Variants in ADAMTSL3 observed in about 807,000 individuals in gnomAD.
ADAMTSL3 encodes ADAMTS like 3, also known as ADAMTS-like protein 3.
Under a neutral mutation model 201.7 loss-of-function variants are expected in ADAMTSL3, and 128 were observed. The observed-to-expected ratio is 0.63, with a 90% CI of 0.55 to 0.73. The LOEUF (loss-of-function observed/expected upper bound fraction) is 0.73, where lower values mean the gene tolerates loss of function less well. Ranked by LOEUF, ADAMTSL3 falls within the 30% of genes least tolerant of loss-of-function variation. ADAMTSL3 has a pLI of 0.00. For synonymous variants in ADAMTSL3, 738 were observed against 748.4 expected, an observed-to-expected ratio of 0.99 and a Z score of 0.23; for missense variants, 1,990 against 2,119.6, an observed-to-expected ratio of 0.94 and a Z score of 1.20.
At chr15:83,754,530 A>G (rs921850211) in intron 3 of ADAMTSL3, among the ~76,000 whole-genome samples, 1 of 152,236 alleles carries the variant, frequency 6.6e-6, no homozygotes, top group African/African-American at 2.4e-5. Flanking sequence ...TTAAAAATCC[A>G]GCAGTTTGGA....
intron 9 of ADAMTSL3, among the ~76,000 whole-genome samples, chr15:83,880,084 G>C (rs922662065): frequency 2.0e-5 from 3 of 151,836 alleles, no homozygotes; most frequent in African/African-American, 4.8e-5. Flanking sequence ...CTTTGTTTTG[G>C]GTTTTCATCA....
intron 17 of ADAMTSL3, 148 bp from the exon 18 acceptor site, chr15:83,942,448 A>G (rs1432519450): frequency 6.2e-6 from 4 of 640,946 alleles, no homozygotes; most frequent in African/African-American, 3.6e-5. Context: ...TTAATTGCGT[A>G]TATTGATGGA....
intron 5 of ADAMTSL3, among the ~76,000 whole-genome samples, chr15:83,814,346 G>A (rs1453882600): frequency 1.3e-5 from 2 of 152,056 alleles, no homozygotes; most frequent in Non-Finnish European, 2.9e-5. Context: ...TCCCCTCCGT[G>A]GATCCTTATT....
intron 19 of ADAMTSL3, among the ~76,000 whole-genome samples, 195 bp from the exon 20 acceptor site, chr15:83,970,289 G>A (rs2067169858): frequency 6.6e-6 from 1 of 151,898 alleles, no homozygotes; most frequent in African/African-American, 2.4e-5. Context: ...GAAGAGAAGG[G>A]AGGGGAGGGA....
intron 16 of ADAMTSL3, among the ~76,000 whole-genome samples, chr15:83,921,273 A>T (rs2066137808): frequency 6.6e-6 from 1 of 152,212 alleles, no homozygotes; most frequent in Non-Finnish European, 1.5e-5. Context: ...AACTTACTGC[A>T]GTTTCCTAGA....
chr15:83,964,790 A>T (rs1427866738), intron 19 of ADAMTSL3, among the ~76,000 whole-genome samples: 1 of 152,230 alleles, frequency 6.6e-6, no homozygotes, highest in African/African-American at 2.4e-5. Context: ...TGGGTTACCC[A>T]CAAAGGGAAG....
chr15:83,918,110 A>T (rs1007954416), intron 16 of ADAMTSL3, among the ~76,000 whole-genome samples: 1 of 152,192 alleles, frequency 6.6e-6, no homozygotes, highest in African/African-American at 2.4e-5. Context: ...TGGTGATTTT[A>T]TCTTTCCCTT....
chr15:83,946,073 G>A lies in ADAMTSL3; in HGVS notation c.2490+2991G>A, dbSNP rs886221552. 2.6e-5 allele frequency among the ~76,000 whole-genome samples: 4 copies of A among 152,318 alleles called. No individual in the cohort carries two copies. In the South Asian group the frequency reaches 8.3e-4, roughly 32 times the overall value. On this transcript the variant is annotated intron_variant, in intron 19 of 29. Transcript: ENST00000286744. ...GAAACCAGACAGCTTGTTTCTGGAT[G>A]CAGCGAGGGAGCACCTAGAACCACT...
At chr15:83,982,251 T>G in intron 20 of ADAMTSL3, 22 bp from the exon 21 acceptor site, 4 of 1,546,412 alleles carry the variant, frequency 2.6e-6, no homozygotes, top group Non-Finnish European at 3.5e-6. Flanking sequence ...TTTTCTTTTC[T>G]TTCTTTTTTT....
intron 17 of ADAMTSL3, among the ~76,000 whole-genome samples, chr15:83,932,511 A>T (rs972583274): frequency 6.6e-6 from 1 of 152,190 alleles, no homozygotes; most frequent in African/African-American, 2.4e-5. Flanking sequence ...GGTCTACCTC[A>T]ATGGAAAGGC....
chr15:83,842,941 T>C (rs1001065862), intron 7 of ADAMTSL3, among the ~76,000 whole-genome samples: 1 of 152,200 alleles, frequency 6.6e-6, no homozygotes, highest in Non-Finnish European at 1.5e-5. Flanking sequence ...CTTGAGATAA[T>C]TCTAATTGAA....
chr15:84,006,815 T>C (rs963515341), intron 23 of ADAMTSL3, among the ~76,000 whole-genome samples: 2 of 152,184 alleles, frequency 1.3e-5, no homozygotes, highest in Admixed American at 6.5e-5. Flanking sequence ...TCTTTGAAAA[T>C]GTTTACACGT....
intron 8 of ADAMTSL3, among the ~76,000 whole-genome samples, chr15:83,860,849 G>C (rs936783624): frequency 6.6e-6 from 1 of 152,164 alleles, no homozygotes; most frequent in African/African-American, 2.4e-5. Context: ...CACTGAGCCT[G>C]AGCCAAAGCA....
chr15:83,687,839 C>T (rs2061558596), intron 2 of ADAMTSL3, among the ~76,000 whole-genome samples: 1 of 152,110 alleles, frequency 6.6e-6, no homozygotes. Context: ...AAAACTGGAA[C>T]AGCCACCAAC....
At chr15:83,839,478 A>G (rs992425198) in intron 7 of ADAMTSL3, among the ~76,000 whole-genome samples, 1 of 152,210 alleles carries the variant, frequency 6.6e-6, no homozygotes, top group African/African-American at 2.4e-5. Context: ...GAGCCCTCAA[A>G]GCAATTTAGG....
intron 7 of ADAMTSL3, among the ~76,000 whole-genome samples, chr15:83,857,911 G>C (rs959975249): frequency 6.6e-6 from 1 of 152,142 alleles, no homozygotes; most frequent in Admixed American, 6.5e-5. Flanking sequence ...CTTCAGAGAG[G>C]GGACTAGTGA....
chr15:84,023,535 ATTCTCAAAAGGAAG>A (rs2068244003), intron 26 of ADAMTSL3, among the ~76,000 whole-genome samples: 1 of 152,194 alleles, frequency 6.6e-6, no homozygotes, highest in African/African-American at 2.4e-5. Flanking sequence ...ACCCTTTGTA[ATTCTCAAAAGGAAG>A]ATCTCATGTT....
chr15:83,924,965 A>C (rs1401175793), intron 17 of ADAMTSL3, among the ~76,000 whole-genome samples: 5 of 152,190 alleles, frequency 3.3e-5, no homozygotes, highest in African/African-American at 7.2e-5. Context: ...TCAGTGATTG[A>C]GGGAGGTTAT....
chr15:83,943,203 C>A (rs1039478480), intron 19 of ADAMTSL3, 121 bp downstream of exon 19: 28 of 1,156,796 alleles, frequency 2.4e-5, no homozygotes, highest in Non-Finnish European at 3.2e-5. Context: ...CCTAGGGGGC[C>A]ACATTTAAGG....
Sources: gnomAD v4.1 joint callset for allele counts (sites outside exome capture counted in the v4.1 genomes callset) on GRCh38, gnomAD v4.1.1 for gene constraint, MANE v1.5 for transcripts, NCBI Gene and HGNC (gene_info 2026-07-23, HGNC 2026-07-21) for gene names.